Variants in DGKB observed in about 807,000 individuals in gnomAD.
DGKB encodes 90 kDa diacylglycerol kinase.
Under a neutral mutation model 114.3 loss-of-function variants are expected in DGKB, and 67 were observed. That is an observed-to-expected ratio of 0.59 (90% CI 0.48 to 0.72). DGKB has a LOEUF of 0.72. DGKB is among the 30% of genes least tolerant of loss of function. DGKB has a pLI of 0.00. For missense variants in DGKB, 907 were observed against 975.2 expected, an observed-to-expected ratio of 0.93 and a Z score of 0.93; for synonymous variants, 398 against 323.1, an observed-to-expected ratio of 1.23 and a Z score of -2.49.
chr7:14,905,560 T>C (rs1292061626), upstream of DGKB, among the ~76,000 whole-genome samples: 1 of 152,208 alleles, frequency 6.6e-6, no homozygotes, highest in African/African-American at 2.4e-5. Context: ...ACTTGCTCTA[T>C]ACTCATTCCT....
chr7:14,367,299 T>C (rs958029579), intron 21 of DGKB, among the ~76,000 whole-genome samples: 2 of 152,158 alleles, frequency 1.3e-5, no homozygotes, highest in East Asian at 3.9e-4. Context: ...GTAATTCCCA[T>C]GTGTGGTGAG....
chr7:14,234,057 G>A (rs1219775157), intron 23 of DGKB, among the ~76,000 whole-genome samples: 3 of 152,046 alleles, frequency 2.0e-5, no homozygotes, highest in African/African-American at 7.2e-5. Flanking sequence ...GCAAGTACAG[G>A]CCCTTCTGAG....
At chr7:14,555,404 A>T (rs1039615491) in intron 20 of DGKB, among the ~76,000 whole-genome samples, 1 of 152,214 alleles carries the variant, frequency 6.6e-6, no homozygotes, top group African/African-American at 2.4e-5. Flanking sequence ...TTATTTCAGA[A>T]TATTTTAATG....
intron 20 of DGKB, among the ~76,000 whole-genome samples, chr7:14,483,690 G>A (rs1563290644): frequency 6.6e-6 from 1 of 152,238 alleles, no homozygotes; most frequent in East Asian, 1.9e-4. Flanking sequence ...GATTATCCAG[G>A]TGGGACGTAA....
chr7:14,569,089 T>C (rs755653618), intron 20 of DGKB, among the ~76,000 whole-genome samples: 2 of 152,176 alleles, frequency 1.3e-5, no homozygotes, highest in East Asian at 1.9e-4. Context: ...GATTCATTGA[T>C]TGAGGAAGAG....
intron 23 of DGKB, among the ~76,000 whole-genome samples, chr7:14,288,091 G>A (rs554056516): frequency 6.6e-6 from 1 of 152,078 alleles, no homozygotes; most frequent in African/African-American, 2.4e-5. Flanking sequence ...ATTAGAACTA[G>A]AAGCAATGGC....
At chr7:14,213,480 C>G (rs1303915540) in intron 23 of DGKB, among the ~76,000 whole-genome samples, 1 of 152,096 alleles carries the variant, frequency 6.6e-6, no homozygotes, top group Non-Finnish European at 1.5e-5. Context: ...TCCATAATAT[C>G]TTTTAAAAAG....
At chr7:14,454,461 G>T (rs1429218484) in intron 21 of DGKB, among the ~76,000 whole-genome samples, 1 of 152,014 alleles carries the variant, frequency 6.6e-6, no homozygotes, top group East Asian at 1.9e-4. Context: ...CAGTAACTCT[G>T]TGAGATTGTC....
At chr7:14,515,102 A>T (rs1423330259) in intron 20 of DGKB, among the ~76,000 whole-genome samples, 9 of 152,198 alleles carry the variant, frequency 5.9e-5, no homozygotes, top group African/African-American at 2.2e-4. Context: ...CAGAGCTGAG[A>T]CGTTCTCTGA....
intron 23 of DGKB, among the ~76,000 whole-genome samples, chr7:14,294,860 A>G (rs1269567678): frequency 6.6e-6 from 1 of 152,186 alleles, no homozygotes; most frequent in Non-Finnish European, 1.5e-5. Context: ...CATTTAAAAT[A>G]CAGACTACAT....
intron 1 of DGKB, among the ~76,000 whole-genome samples, chr7:14,892,981 G>C (rs1429644011): frequency 6.7e-6 from 1 of 149,214 alleles, no homozygotes; most frequent in Non-Finnish European, 1.5e-5. Context: ...TACATATATA[G>C]ATGTATGTAT....
intron 23 of DGKB, among the ~76,000 whole-genome samples, chr7:14,188,453 G>A (rs1783782649): frequency 1.6e-5 from 2 of 121,224 alleles, no homozygotes; most frequent in Admixed American, 2.0e-4. Flanking sequence ...GAGGTCAGGA[G>A]ATCGAGACCA....
intron 13 of DGKB, among the ~76,000 whole-genome samples, chr7:14,666,295 T>C (rs112081513): frequency 0.026 from 4,011 of 152,046 alleles, 192 homozygotes; most frequent in African/African-American, 0.092. Context: ...TGCAGGCTGA[T>C]GACATAATTG....
rs369115560 is a variant in DGKB, at chr7:14,245,886, C to A, written c.2123-67735G>T. On this transcript the variant is annotated intron_variant, in intron 23 of 25. Coordinates refer to ENST00000402815, the MANE Select transcript of DGKB (RefSeq NM_001350709.2). Reference sequence around the variant, plus strand: ...GAGGTTGCAGTGAGCCAAGATCATGCCACTACACGCCAGCCTGGGCAAAAA... The same window carrying A: ...GAGGTTGCAGTGAGCCAAGATCATGACACTACACGCCAGCCTGGGCAAAAA... 5.2e-4 allele frequency among the ~76,000 whole-genome samples: 79 copies of A among 152,226 alleles called. 2 individuals are homozygous for A. In the East Asian group the frequency reaches 0.013, roughly 25 times the overall value.
intron 2 of DGKB, among the ~76,000 whole-genome samples, chr7:14,840,465 C>A (rs1437788158): frequency 6.6e-6 from 1 of 152,046 alleles, no homozygotes; most frequent in Non-Finnish European, 1.5e-5. Context: ...TCCTGAAAAT[C>A]TAGAATAAAA....
At position 14,761,161 on chromosome 7, in the gene DGKB, G is replaced by C. The variant is rs77276283; in HGVS notation, c.71-3430C>G. On this transcript the variant is annotated intron_variant, in intron 2 of 25. Coordinates refer to ENST00000402815, the MANE Select transcript of DGKB (RefSeq NM_001350709.2). ...TTTACAATCTAGTTTGGAAACTGGA[G>C]CATTATCTTGTTTTTGTATTCCTGT... 9.9e-4 allele frequency among the ~76,000 whole-genome samples: 150 copies of C among 152,244 alleles called. 1 individual carries two copies. In the East Asian group the frequency reaches 0.026, roughly 26 times the overall value.
intron 21 of DGKB, among the ~76,000 whole-genome samples, chr7:14,371,939 T>G (rs1817721006): frequency 6.6e-6 from 1 of 152,142 alleles, no homozygotes; most frequent in African/African-American, 2.4e-5. Flanking sequence ...CTAAAATGCC[T>G]CCATGGCCAT....
rs11980113 is a variant in DGKB, at chr7:14,258,374, C to T, written c.2122+80141G>A. ...CATTATAACTTTTTAAAGTTAAGAG[C>T]CAGTAAATAGTCTGGATTAAACACT... On this transcript the variant is annotated intron_variant, in intron 23 of 25. Transcript: ENST00000402815. Among the ~76,000 whole-genome samples, 447 of 152,156 alleles carry T rather than the reference C, an allele frequency of 2.9e-3. 3 individuals are homozygous for T. Among genetic ancestry groups the T allele is most frequent in the African/African-American group, 0.01 (428 of 41,506 alleles).
chr7:14,422,281 T>C (rs926294969), intron 21 of DGKB, among the ~76,000 whole-genome samples: 1 of 152,112 alleles, frequency 6.6e-6, no homozygotes, highest in Non-Finnish European at 1.5e-5. Flanking sequence ...GGGTAATAAC[T>C]TTTAATGGAG....
Sources: gnomAD v4.1 joint callset for allele counts (sites outside exome capture counted in the v4.1 genomes callset) on GRCh38, gnomAD v4.1.1 for gene constraint, MANE v1.5 for transcripts, NCBI Gene and HGNC (gene_info 2026-07-23, HGNC 2026-07-21) for gene names.